NFIX: variants seen among roughly 807,000 people sequenced by gnomAD.
NFIX encodes nuclear factor 1 X-type.
Under a neutral mutation model 53.3 loss-of-function variants are expected in NFIX, and 2 were observed. That is an observed-to-expected ratio of 0.04 (90% confidence interval 0.02 to 0.12). NFIX has a LOEUF of 0.12. Ranked by LOEUF, NFIX falls within the 10% of genes least tolerant of loss-of-function variation. The pLI is 1.00. For missense variants in NFIX, 310 were observed against 674.5 expected (o/e 0.46, Z 5.99); for synonymous variants, 244 against 289.0 (o/e 0.84, Z 1.58).
intron 5 of NFIX, among the ~76,000 whole-genome samples, 158 bp from the exon 6 acceptor site, chr19:13,075,377 G>T (rs1482901947): frequency 6.6e-6 from 1 of 152,282 alleles, no homozygotes; most frequent in East Asian, 1.9e-4. Flanking sequence ...CTGATCTTGG[G>T]GTTGGGCACG....
Position 13,011,878 on chromosome 19 carries a change from G to T in NFIX, c.28-13143G>T, listed in dbSNP as rs11881230. On this transcript the variant is annotated intron_variant, in intron 1 of 10. Coordinates refer to ENST00000592199, the MANE Select transcript of NFIX (RefSeq NM_001365902.3). The surrounding 1 kb of genome is among the most constrained non-coding windows in gnomAD (Gnocchi z 6.5). ...GACCCGCTGCAACTGACTCAAGACT[G>T]GGGGGAGGGGGCTCATGGAGGTAGA... 4.5e-3 allele frequency among the ~76,000 whole-genome samples: 686 copies of T among 151,982 alleles called. 4 individuals carry two copies. The highest frequency in any genetic ancestry group is 0.015 in the African/African-American group (624 of 41,246).
intron 5 of NFIX, 44 bp downstream of exon 5, chr19:13,074,070 C>G (rs1253618771): frequency 1.9e-6 from 3 of 1,610,008 alleles, no homozygotes; most frequent in African/African-American, 1.3e-5. Context: ...TCCACTCCCC[C>G]CAGGGCCAGG....
chr19:13,005,474 C>T lies in NFIX; in HGVS notation c.27+9610C>T, dbSNP rs1230279535. 1.3e-5 allele frequency among the ~76,000 whole-genome samples: 2 copies of T among 152,136 alleles called. No individual in the cohort carries two copies. Among genetic ancestry groups the T allele is most frequent in the African/African-American group, 4.8e-5 (2 of 41,412 alleles). On this transcript the variant is annotated intron_variant, in intron 1 of 10. Coordinates refer to ENST00000592199, the MANE Select transcript of NFIX (RefSeq NM_001365902.3). The surrounding 1 kb of genome is among the most constrained non-coding windows in gnomAD (Gnocchi z 4.7). ...TAACTTCAGGCAAGTTGCTTAACCT[C>T]TCTGGGTCTCAATTTCTGTATCTAG...
At chr19:13,032,335 A>G (rs2145223424) in intron 2 of NFIX, among the ~76,000 whole-genome samples, 1 of 152,220 alleles carries the variant, frequency 6.6e-6, no homozygotes, top group Middle Eastern at 3.4e-3. Context: ...AGGGGTTTAA[A>G]TATAGTTATT....
Position 13,069,588 on chromosome 19 carries a change from G to C in NFIX, c.560-3459G>C, listed in dbSNP as rs117277299. Among the ~76,000 whole-genome samples the C allele has an allele frequency of 2.2e-3, 341 of 152,256 alleles. 11 individuals are homozygous for C. The East Asian group carries it at 0.057, about 25-fold the overall frequency. The stretch of plus-strand genomic sequence containing the variant: ...AGGGCAGAGCCACCCCGGGCTCAGG[G>C]GCGAGGAGGAAAGAAGTGGGGGTGG... On this transcript the variant is annotated intron_variant, in intron 2 of 10. Coordinates refer to ENST00000592199, the MANE Select transcript of NFIX (RefSeq NM_001365902.3).
rs1381474000 is a variant in NFIX at position 13,002,373 on chromosome 19, C to T, written c.27+6509C>T. ...AAAGGAAGAAGGGCTAGCTCCCCAA[C>T]CCCCCCTTCCTCACCACCTCCCCCC... On this transcript the variant is annotated intron_variant, in intron 1 of 10. Coordinates refer to ENST00000592199, the MANE Select transcript of NFIX (RefSeq NM_001365902.3). This position sits in a 1 kb window ranked among gnomAD's most constrained non-coding sequence, Gnocchi z 6.1. Among the ~76,000 whole-genome samples the T allele has an allele frequency of 6.6e-6, 1 of 151,994 alleles. No homozygotes were observed. Among genetic ancestry groups the T allele is most frequent in the Non-Finnish European group, 1.5e-5 (1 of 67,966 alleles).
chr19:13,041,313 A>G lies in NFIX; in HGVS notation c.559+15761A>G, dbSNP rs2014604689. ...TTTTAAAAAGGTTATTTTTCTTATT[A>G]TAAGACTACTGTACATTCATAATAA... On this transcript the variant is annotated intron_variant, in intron 2 of 10. Coordinates refer to ENST00000592199, the MANE Select transcript of NFIX (RefSeq NM_001365902.3). Among the ~76,000 whole-genome samples, 3 of 152,222 alleles carry G rather than the reference A, an allele frequency of 2.0e-5. No homozygotes were observed. In the South Asian group the frequency reaches 6.2e-4, roughly 32 times the overall value.
At chr19:13,044,226 A>G (rs2014833208) in intron 2 of NFIX, among the ~76,000 whole-genome samples, 1 of 152,204 alleles carries the variant, frequency 6.6e-6, no homozygotes, top group Admixed American at 6.5e-5. Context: ...GGGAGGCGAC[A>G]GCATCGTTTC....
At chr19:13,075,708 A>C in intron 6 of NFIX, 37 bp downstream of exon 6, 1 of 1,600,144 alleles carries the variant, frequency 6.2e-7, no homozygotes. Flanking sequence ...GAGCAAGGGC[A>C]GCCCAGAGTC....
intron 2 of NFIX, among the ~76,000 whole-genome samples, chr19:13,064,094 C>T (rs1350252976): frequency 6.6e-6 from 1 of 152,138 alleles, no homozygotes; most frequent in African/African-American, 2.4e-5. Flanking sequence ...TCCCCAGGGC[C>T]CCTCTCTTTT....
Position 13,043,523 on chromosome 19 carries a change from C to T in NFIX, c.559+17971C>T, listed in dbSNP as rs1458839431. Among the ~76,000 whole-genome samples, 3 of 152,212 alleles carry T rather than the reference C, an allele frequency of 2.0e-5. No individual in the cohort carries two copies. The highest frequency in any genetic ancestry group is 2.9e-5 in the Non-Finnish European group (2 of 68,030). The stretch of plus-strand genomic sequence containing the variant: ...TGCTGCTGACACCTGAGGCCAGCTG[C>T]GCAGTCTGCCACAAGGCCCCTGGGG... On this transcript the variant is annotated intron_variant, in intron 2 of 10. Transcript: ENST00000592199. This position sits in a 1 kb window ranked among gnomAD's most constrained non-coding sequence, Gnocchi z 4.0.
In NFIX at chr19:13,097,033, C is replaced by T. The variant is rs1213484062; in HGVS notation, c.*2384C>T. On this transcript the variant is annotated 3_prime_UTR_variant, in exon 11 of 11. Transcript: ENST00000592199. ...CAAGTGCAATGCATCAGAGAGTTTT[C>T]CTATCTTTGTATGTTAAGAGATTAA... is the stretch of plus-strand genomic sequence containing the variant. 6.7e-6 allele frequency: 1 copy of T among 149,898 alleles called. No individual in the cohort carries two copies. The highest frequency in any genetic ancestry group is 1.9e-4 in the East Asian group (1 of 5,156). 9.3% of individuals were successfully genotyped at this position (149,898 alleles called of 1,614,324 possible). A position where few individuals can be genotyped will look rare whatever the true frequency, so the allele number is the denominator to read the frequency against.
At chr19:13,070,221 A>G (rs1263699819) in intron 2 of NFIX, 4 of 152,278 alleles carry the variant, frequency 2.6e-5, no homozygotes, top group Middle Eastern at 3.4e-3. Context: ...TCCTTCCTCT[A>G]TCTATCCAAG....
intron 2 of NFIX, among the ~76,000 whole-genome samples, chr19:13,039,218 A>ACGC (rs1319024615): frequency 7.3e-6 from 1 of 137,628 alleles, no homozygotes; most frequent in African/African-American, 3.4e-5. Context: ...TTTAAATTAA[A>ACGC]CACCCCCCCC....
chr19:13,026,896 G>C (rs2013410119), intron 2 of NFIX, among the ~76,000 whole-genome samples: 1 of 152,140 alleles, frequency 6.6e-6, no homozygotes, highest in African/African-American at 2.4e-5. Context: ...GTGTGTCTCT[G>C]TGTCTTTCTT....
chr19:13,023,453 C>T (rs912628869), intron 1 of NFIX, among the ~76,000 whole-genome samples: 2 of 151,848 alleles, frequency 1.3e-5, no homozygotes, highest in East Asian at 1.9e-4. Flanking sequence ...TCAGGCAGCT[C>T]GAAGTTTACA....
rs893696213 is a variant in NFIX at position 13,013,972 on chromosome 19, A to G, written c.28-11049A>G. The G allele has an allele frequency of 6.6e-6, 1 of 152,260 alleles. No individual in the cohort carries two copies. The highest frequency in any genetic ancestry group is 2.4e-5 in the African/African-American group (1 of 41,472). The allele number at this position is 152,260 out of a possible 1,614,324, so 9.4% of individuals were successfully genotyped here. A position where few individuals can be genotyped will look rare whatever the true frequency, so the allele number is the denominator to read the frequency against. ...TCTGTCGTCGGAGCCCGGGTTTGCC[A>G]CGGCAAAGTCTGTAATCAGAGAAAA... On this transcript the variant is annotated intron_variant, in intron 1 of 10. Coordinates refer to ENST00000592199, the MANE Select transcript of NFIX (RefSeq NM_001365902.3). This position sits in a 1 kb window ranked among gnomAD's most constrained non-coding sequence, Gnocchi z 5.9.
chr19:13,056,883 G>C (rs775818022), intron 2 of NFIX, among the ~76,000 whole-genome samples: 2 of 152,268 alleles, frequency 1.3e-5, no homozygotes, highest in Non-Finnish European at 2.9e-5. Context: ...TGGTTCAGGG[G>C]CTGTGGCCTT....
intron 1 of NFIX, chr19:13,024,714 G>C (rs1364469953): frequency 3.3e-6 from 5 of 1,535,734 alleles, no homozygotes; most frequent in East Asian, 4.9e-5. Flanking sequence ...GTCTGTGCGC[G>C]TGTGTGTGAG....
Sources: gnomAD v4.1 joint callset for allele counts (sites outside exome capture counted in the v4.1 genomes callset) on GRCh38, gnomAD v4.1.1 for gene constraint, Gnocchi (gnomAD v3.1) non-coding constraint, MANE v1.5 for transcripts, NCBI Gene and HGNC (gene_info 2026-07-23, HGNC 2026-07-21) for gene names.